The following GLIS1 variants were observed in gnomAD, a reference collection of about 807,000 sequenced individuals.
GLIS1 encodes GLIS family zinc finger 1, also known as zinc finger protein GLIS1.
In GLIS1, 24 loss-of-function variants were observed where a neutral mutation model predicts 63.8. The observed-to-expected ratio is 0.38, with a 90% CI of 0.27 to 0.53. The LOEUF is 0.53. GLIS1 is among the 20% of genes least tolerant of loss of function. GLIS1 has a pLI of 0.85. For synonymous variants in GLIS1, 450 were observed against 482.5 expected, an observed-to-expected ratio of 0.93 and a Z score of 0.88; for missense variants, 1,036 against 1,074.1, an observed-to-expected ratio of 0.96 and a Z score of 0.50.
chr1:53,624,295 G>T (rs916478359), intron 2 of GLIS1, among the ~76,000 whole-genome samples: 1 of 152,172 alleles, frequency 6.6e-6, no homozygotes, highest in Non-Finnish European at 1.5e-5. Flanking sequence ...ATGAGAGAAA[G>T]AAATCTTTTC....
At chr1:53,550,384 G>A (rs748509179) in intron 4 of GLIS1, among the ~76,000 whole-genome samples, 15 of 152,174 alleles carry the variant, frequency 9.9e-5, no homozygotes, top group Non-Finnish European at 2.9e-5. Flanking sequence ...AGAGGCCTCT[G>A]GGGGAGGCTT....
At chr1:53,644,479 C>T (rs775002317) in intron 2 of GLIS1, among the ~76,000 whole-genome samples, 2 of 152,174 alleles carry the variant, frequency 1.3e-5, no homozygotes, top group Non-Finnish European at 2.9e-5. Context: ...AGCTTCCGTA[C>T]AGAAGAGGAG....
intron 2 of GLIS1, among the ~76,000 whole-genome samples, chr1:53,614,863 CACACACTCAT>C (rs1645463560): frequency 6.6e-6 from 1 of 151,710 alleles, no homozygotes; most frequent in African/African-American, 2.4e-5. Context: ...CTCACCCTCT[CACACACTCAT>C]ACACACTCTC....
At chr1:53,510,942 A>C (rs755810188) in intron 8 of GLIS1, among the ~76,000 whole-genome samples, 1 of 152,162 alleles carries the variant, frequency 6.6e-6, no homozygotes, top group Non-Finnish European at 1.5e-5. Flanking sequence ...CTGAAACAAG[A>C]CTGCAGTGGC....
chr1:53,644,923 T>C (rs1156728090), intron 2 of GLIS1, among the ~76,000 whole-genome samples: 3 of 152,220 alleles, frequency 2.0e-5, no homozygotes, highest in Admixed American at 6.5e-5. Flanking sequence ...CGCTTATTTG[T>C]TGGTTTACGG....
chr1:53,640,416 G>A (rs1194768150), intron 2 of GLIS1, among the ~76,000 whole-genome samples: 3 of 152,214 alleles, frequency 2.0e-5, no homozygotes, highest in Non-Finnish European at 4.4e-5. Context: ...ACTCTACACC[G>A]TTGTTGGTGA....
At chr1:53,623,159 A>C (rs1468168811) in intron 2 of GLIS1, among the ~76,000 whole-genome samples, 1 of 152,338 alleles carries the variant, frequency 6.6e-6, no homozygotes, top group East Asian at 1.9e-4. Context: ...ATCGAATCTG[A>C]TATCTGCTTT....
chr1:53,715,404 G>A (rs1352326217), intron 2 of GLIS1, among the ~76,000 whole-genome samples: 1 of 152,212 alleles, frequency 6.6e-6, no homozygotes, highest in African/African-American at 2.4e-5. Flanking sequence ...AGTGTGGCAA[G>A]AGAGGCAGAG....
chr1:53,654,703 G>A (rs1645945510), intron 2 of GLIS1, among the ~76,000 whole-genome samples: 1 of 152,154 alleles, frequency 6.6e-6, no homozygotes, highest in African/African-American at 2.4e-5. Context: ...CCTGGCAAAT[G>A]CACTGAGGGT....
chr1:53,524,865 G>C lies in GLIS1; in HGVS notation c.1505C>G (p.Pro502Arg). Residue 502 changes from proline to arginine, a missense_variant, in exon 6 of 11, where the codon CCT becomes CGT. Pro to Arg is a moderately radical substitution (Grantham distance 103). This residue lies in a region of GLIS1 where 400 missense variants were observed against 400.9 expected (regional missense o/e 1.00). Transcript: ENST00000628545. ...GTCTGTGTAGCGCTTGGAGCAGCCA[G>C]GGATCTGACAGGCGTACGGCTTCTG... ...LDTKPYACQIPGCSKRYTDPS... is the reference protein window; with the variant it reads ...LDTKPYACQIRGCSKRYTDPS... 1.9e-6 allele frequency: 3 copies of C among 1,613,420 alleles called. No homozygotes were observed. Among genetic ancestry groups the C allele is most frequent in the Non-Finnish European group, 2.5e-6 (3 of 1,179,914 alleles).
Position 53,539,495 on chromosome 1 carries a change from ACCC to A in GLIS1, c.1321-9546_1321-9544del, listed in dbSNP as rs1255234245. Among the ~76,000 whole-genome samples, 1 of 143,230 alleles carries A rather than the reference ACCC, an allele frequency of 7.0e-6. No homozygotes were observed. Among genetic ancestry groups the A allele is most frequent in the African/African-American group, 2.6e-5 (1 of 38,054 alleles). The allele number at this position is 143,230 out of a possible 152,430, so 94.0% of individuals were successfully genotyped here. A position where few individuals can be genotyped will look rare whatever the true frequency, so the allele number is the denominator to read the frequency against. ...CATACCTCCCACACACACGTACCAC[ACCC>A]CCAACATACACACACCACACCACAC... On this transcript the variant is annotated intron_variant, in intron 4 of 10. Coordinates refer to ENST00000628545, the MANE Select transcript of GLIS1 (RefSeq NM_001367484.1). This position sits in a 1 kb window ranked among gnomAD's most constrained non-coding sequence, Gnocchi z 5.0.
intron 6 of GLIS1, among the ~76,000 whole-genome samples, chr1:53,523,751 G>A (rs756197254): frequency 1.2e-4 from 18 of 152,116 alleles, no homozygotes; most frequent in African/African-American, 3.6e-4. Context: ...ACTCACACAC[G>A]GCTCGTCCAA....
chr1:53,608,129 C>T (rs1322843856), intron 2 of GLIS1, among the ~76,000 whole-genome samples: 2 of 152,058 alleles, frequency 1.3e-5, no homozygotes, highest in African/African-American at 2.4e-5. Context: ...CCATACTTGG[C>T]TAATTTTTTA....
chr1:53,617,968 C>G (rs997153878), intron 2 of GLIS1, among the ~76,000 whole-genome samples: 2 of 152,188 alleles, frequency 1.3e-5, no homozygotes, highest in Non-Finnish European at 2.9e-5. Context: ...GAGTCCTGAG[C>G]CCAGAGGGAC....
chr1:53,642,385 C>G (rs1013335116), intron 2 of GLIS1, among the ~76,000 whole-genome samples: 1 of 152,188 alleles, frequency 6.6e-6, no homozygotes, highest in African/African-American at 2.4e-5. Flanking sequence ...TCACACTACT[C>G]TGCAGTGCTG....
At chr1:53,732,425 T>C (rs1344887620) in intron 2 of GLIS1, among the ~76,000 whole-genome samples, 1 of 151,982 alleles carries the variant, frequency 6.6e-6, no homozygotes, top group Non-Finnish European at 1.5e-5. Flanking sequence ...CCTTACTCAG[T>C]AACTCAGCTG....
intron 2 of GLIS1, among the ~76,000 whole-genome samples, chr1:53,698,855 C>A (rs759191045): frequency 6.6e-6 from 1 of 152,156 alleles, no homozygotes; most frequent in Non-Finnish European, 1.5e-5. Flanking sequence ...ACCCTCATCA[C>A]GAACCTGTGC....
At chr1:53,733,392 G>A (rs1172128942) in intron 2 of GLIS1, among the ~76,000 whole-genome samples, 27 of 152,228 alleles carry the variant, frequency 1.8e-4, no homozygotes, top group Non-Finnish European at 7.4e-5. Context: ...ATAGACTATC[G>A]ATGTGATTCC....
At chr1:53,698,255 C>T (rs548947320) in intron 2 of GLIS1, among the ~76,000 whole-genome samples, 1 of 152,330 alleles carries the variant, frequency 6.6e-6, no homozygotes, top group South Asian at 2.1e-4. Context: ...GCAACATCCC[C>T]TCGGAACGCA....
Sources: gnomAD v4.1 joint callset for allele counts (sites outside exome capture counted in the v4.1 genomes callset) on GRCh38, gnomAD v4.1.1 for gene constraint, gnomAD v4.1.1 regional missense constraint, Gnocchi (gnomAD v3.1) non-coding constraint, MANE v1.5 for transcripts, NCBI Gene and HGNC (gene_info 2026-07-23, HGNC 2026-07-21) for gene names.